Variants in C2orf15 observed in about 807,000 individuals in gnomAD.
The protein encoded by C2orf15 is chromosome 2 open reading frame 15.
C2orf15 carries 3 observed loss-of-function variants against 4.4 expected under a neutral mutation model. The observed-to-expected ratio is 0.67, with a 90% confidence interval of 0.31 to 1.74. The LOEUF (loss-of-function observed/expected upper bound fraction) is 1.74. Ranked by LOEUF, C2orf15 falls within the 40% of genes most tolerant of loss-of-function variation. C2orf15 has a pLI of 0.09. For synonymous variants in C2orf15, 37 were observed against 36.8 expected, an observed-to-expected ratio of 1.00 and a Z score of -0.02; for missense variants, 90 against 103.3, an observed-to-expected ratio of 0.87 and a Z score of 0.56.
chr2:99,148,281 T>C (rs2093652539), intron 3 of C2orf15: 1 of 152,230 alleles, frequency 6.6e-6, no homozygotes, highest in Non-Finnish European at 1.5e-5. Flanking sequence ...AACTCAATTT[T>C]ATTCATTTGA....
intron 3 of C2orf15, among the ~76,000 whole-genome samples, chr2:99,150,107 T>C (rs1421833981): frequency 3.9e-5 from 6 of 152,200 alleles, no homozygotes; most frequent in African/African-American, 1.2e-4. Flanking sequence ...CAAGTATCTT[T>C]ATAGGACATC....
intron 2 of C2orf15, among the ~76,000 whole-genome samples, chr2:99,144,273 G>T (rs577934284): frequency 1.3e-5 from 2 of 151,524 alleles, no homozygotes; most frequent in African/African-American, 4.9e-5. Flanking sequence ...TGCCCGCCTC[G>T]GCCTCCCAAA....
In C2orf15 at chr2:99,142,358, G is replaced by GT. The variant is rs1280438823; in HGVS notation, c.-211dup. On this transcript the variant is annotated 5_prime_UTR_variant, in exon 2 of 4. It removes the in-frame stop codon of an upstream open reading frame in the 5' UTR. Transcript: ENST00000650052. ...TGGTAGAACGCTGTGTATTTCAAGA[G>GT]TAAGCTCTCGTTTGAGGAGACTAAC... The GT allele has an allele frequency of 6.6e-6, 1 of 152,196 alleles. No homozygotes were observed. Among genetic ancestry groups the GT allele is most frequent in the Non-Finnish European group, 1.5e-5 (1 of 68,034 alleles). 9.4% of individuals were successfully genotyped at this position (152,196 alleles called of 1,614,324 possible).
At chr2:99,143,181 G>A (rs1355100309) in intron 2 of C2orf15, among the ~76,000 whole-genome samples, 3 of 113,146 alleles carry the variant, frequency 2.7e-5, no homozygotes, top group African/African-American at 1.0e-4. Context: ...TCACTCTGTC[G>A]CCCAGGCTGG....
chr2:99,150,885 G>C lies in C2orf15; in HGVS notation c.*51G>C, dbSNP rs1173854357. 5.6e-6 allele frequency: 7 copies of C among 1,243,522 alleles called. No individual in the cohort carries two copies. The highest frequency in any genetic ancestry group is 1.9e-4 in the Middle Eastern group (1 of 5,168). 77.0% of individuals were successfully genotyped at this position (1,243,522 alleles called of 1,614,324 possible). A position where few individuals can be genotyped will look rare whatever the true frequency, so the allele number is the denominator to read the frequency against. On this transcript the variant is annotated 3_prime_UTR_variant, in exon 4 of 4. Coordinates refer to ENST00000650052, the MANE Select transcript of C2orf15 (RefSeq NM_144706.4). The stretch of plus-strand genomic sequence containing the variant: ...AACCAAAAACTGCCTTTGACTAAGG[G>C]GGGTGTTGAAAGAGAACTTAACCTT...
chr2:99,147,319 T>C, intron 2 of C2orf15, 83 bp from the exon 3 acceptor site: 1 of 757,876 alleles, frequency 1.3e-6, no homozygotes, highest in Admixed American at 2.2e-5. Flanking sequence ...TATCTTAATA[T>C]CTAGTAAAGA....
chr2:99,142,218 A>G (rs1341412912), intron 1 of C2orf15, 67 bp from the exon 2 acceptor site: 1 of 152,192 alleles, frequency 6.6e-6, no homozygotes, highest in Non-Finnish European at 1.5e-5. Context: ...AATACCTACC[A>G]TGTCCCTTCT....
intron 1 of C2orf15, 21 bp downstream of exon 1, chr2:99,141,958 G>A (rs911442297): frequency 6.6e-6 from 1 of 152,474 alleles, no homozygotes; most frequent in Non-Finnish European, 1.5e-5. Context: ...GCAGCCTGGA[G>A]TCAGGGGAGC....
chr2:99,150,386 T>C, intron 3 of C2orf15, 97 bp from the exon 4 acceptor site: 1 of 668,796 alleles, frequency 1.5e-6, no homozygotes, highest in Non-Finnish European at 2.4e-6. Flanking sequence ...TACTTTATAT[T>C]TCTAGTATCA....
intron 2 of C2orf15, among the ~76,000 whole-genome samples, chr2:99,145,563 G>GAA (rs58490482): frequency 0.055 from 7,974 of 145,184 alleles, 347 homozygotes; most frequent in East Asian, 0.21. Flanking sequence ...GTCCCAAAAA[G>GAA]AAAAAAAAAA....
intron 3 of C2orf15, among the ~76,000 whole-genome samples, chr2:99,149,319 C>T (rs2093664927): frequency 6.6e-6 from 1 of 152,100 alleles, no homozygotes; most frequent in African/African-American, 2.4e-5. Flanking sequence ...GAAGCCTGTC[C>T]CTTCTGCCAT....
chr2:99,150,352 AC>A (rs901713086), intron 3 of C2orf15, 130 bp from the exon 4 acceptor site: 1 of 542,188 alleles, frequency 1.8e-6, no homozygotes, highest in Non-Finnish European at 3.2e-6. Flanking sequence ...GAAAATGTAA[AC>A]ACTGAAAGGT....
At chr2:99,146,493 A>AC (rs11439987) in intron 2 of C2orf15, among the ~76,000 whole-genome samples, 147,962 of 152,226 alleles carry the variant, frequency 0.97, 71,976 homozygotes, top group Middle Eastern at 1. Flanking sequence ...AATCAAACTC[A>AC]CTGTTTTCCT....
At chr2:99,149,832 G>A (rs1455652142) in intron 3 of C2orf15, among the ~76,000 whole-genome samples, 4 of 125,560 alleles carry the variant, frequency 3.2e-5, no homozygotes, top group African/African-American at 3.1e-5. Context: ...CGCTCTTGTC[G>A]CCCAGGCTGG....
intron 2 of C2orf15, among the ~76,000 whole-genome samples, chr2:99,142,931 A>C (rs2105118175): frequency 6.6e-6 from 1 of 152,268 alleles, no homozygotes; most frequent in South Asian, 2.1e-4. Context: ...GCACTTATGT[A>C]TGCCACCTAG....
At position 99,150,668 on chromosome 2, in the gene C2orf15, C is replaced by T. The variant is rs199883828; in HGVS notation, c.110C>T (p.Ala37Val). 1.2e-6 allele frequency: 2 copies of T among 1,613,770 alleles called. No homozygotes were observed. The highest frequency in any genetic ancestry group is 4.5e-5 in the East Asian group (2 of 44,874). ...RGTEKSRLEP[A>V]TQLFQNTKKI... ...ACTGAAAAAAGCAGGTTGGAACCAG[C>T]GACTCAGTTATTTCAAAACACCAAG... The change falls in exon 4 of 4, where the codon GCG becomes GTG. Residue 37 changes from alanine (A) to valine (V), a missense_variant. Transcript: ENST00000650052.
At chr2:99,147,375 A>T in intron 2 of C2orf15, 27 bp from the exon 3 acceptor site, 1 of 1,196,266 alleles carries the variant, frequency 8.4e-7, no homozygotes. Context: ...CTCTTTATGT[A>T]CCTTTATTCT....
intron 2 of C2orf15, among the ~76,000 whole-genome samples, chr2:99,145,726 C>CT (rs1478393654): frequency 1.3e-5 from 2 of 152,160 alleles, no homozygotes; most frequent in Non-Finnish European, 2.9e-5. Flanking sequence ...TCTTTGAAGA[C>CT]TATTATTCTG....
At chr2:99,147,596 T>G in intron 3 of C2orf15, 103 bp downstream of exon 3, 1 of 981,092 alleles carries the variant, frequency 1.0e-6, no homozygotes, top group East Asian at 2.5e-5. Flanking sequence ...TATGTTACCA[T>G]TCTTTTACGT....
Sources: gnomAD v4.1 joint callset for allele counts (sites outside exome capture counted in the v4.1 genomes callset) on GRCh38, gnomAD v4.1.1 for gene constraint, MANE v1.5 for transcripts, NCBI Gene and HGNC (gene_info 2026-07-23, HGNC 2026-07-21) for gene names.